Variants in TK2 observed in about 807,000 individuals in gnomAD.
TK2 encodes the protein thymidine kinase 2, mitochondrial.
In TK2, 35 loss-of-function variants were observed where a neutral mutation model predicts 41.9. The observed-to-expected ratio is 0.84, with a 90% CI of 0.64 to 1.11. The LOEUF is 1.11. Ranked by LOEUF, TK2 falls within the 50% of genes least tolerant of loss-of-function variation. The pLI is 0.00. For missense variants in TK2, 320 were observed against 351.1 expected (o/e 0.91, Z 0.71); for synonymous variants, 128 against 129.1 (o/e 0.99, Z 0.06).
At chr16:66,533,335 CAAAAA>C (rs57612451) in intron 4 of TK2, among the ~76,000 whole-genome samples, 3 of 45,114 alleles carry the variant, frequency 6.6e-5, no homozygotes, top group African/African-American at 1.4e-4. Flanking sequence ...GACTCCATCT[CAAAAA>C]AAAAAAAAAA....
rs781512555 is a variant in TK2 at position 66,550,109 on chromosome 16, C to G, written c.-48G>C. 1.2e-6 allele frequency: 2 copies of G among 1,609,504 alleles called. No homozygotes were observed. The highest frequency in any genetic ancestry group is 1.7e-6 in the Non-Finnish European group (2 of 1,178,906). On this transcript the variant is annotated 5_prime_UTR_variant, in exon 1 of 10. Coordinates refer to ENST00000544898, the MANE Select transcript of TK2 (RefSeq NM_004614.5). ...GCCCGGGGTTCCTTCTTGTGCGAGT[C>G]GGCGCGGACGACTGCTAGTCCAGCC...
intron 6 of TK2, among the ~76,000 whole-genome samples, chr16:66,528,245 T>C (rs1597090747): frequency 6.6e-6 from 1 of 151,628 alleles, no homozygotes; most frequent in Admixed American, 6.6e-5. Context: ...ACAGGTGGGG[T>C]CTGCAACCCA....
intron 5 of TK2, among the ~76,000 whole-genome samples, chr16:66,529,993 C>T (rs936260265): frequency 3.9e-5 from 6 of 152,182 alleles, no homozygotes; most frequent in Non-Finnish European, 4.4e-5. Context: ...GCATTTATAT[C>T]CCTTCCTATT....
At chr16:66,524,516 T>G (rs1247930278) in intron 6 of TK2, among the ~76,000 whole-genome samples, 1 of 152,132 alleles carries the variant, frequency 6.6e-6, no homozygotes, top group Non-Finnish European at 1.5e-5. Flanking sequence ...TTTAAATTTT[T>G]TGTAGAGATG....
chr16:66,549,515 C>T, intron 1 of TK2: 1 of 1,038,960 alleles, frequency 9.6e-7, no homozygotes, highest in African/African-American at 1.7e-5. Flanking sequence ...CTGTGTGGGT[C>T]CCCACTCCCA....
intron 6 of TK2, 166 bp from the exon 7 acceptor site, chr16:66,518,043 C>A (rs1964669141): frequency 2.9e-6 from 2 of 688,250 alleles, no homozygotes; most frequent in Non-Finnish European, 5.3e-6. Context: ...GGACCCTAAG[C>A]ATTCCCGACC....
At chr16:66,545,752 C>A (rs942352164) in intron 2 of TK2, among the ~76,000 whole-genome samples, 1 of 151,148 alleles carries the variant, frequency 6.6e-6, no homozygotes, top group Admixed American at 6.6e-5. Flanking sequence ...TGAACCCTGG[C>A]GGCGGAGGTT....
intron 2 of TK2, chr16:66,546,533 A>G (rs1403669171): frequency 6.6e-6 from 1 of 151,858 alleles, no homozygotes; most frequent in Non-Finnish European, 1.5e-5. Context: ...ATTAATGTTT[A>G]TAATATTTCT....
At chr16:66,522,845 T>C (rs1964822144) in intron 6 of TK2, among the ~76,000 whole-genome samples, 1 of 151,944 alleles carries the variant, frequency 6.6e-6, no homozygotes, top group Admixed American at 6.6e-5. Flanking sequence ...GCCTGGGCAA[T>C]AACAGCAAAA....
intron 4 of TK2, among the ~76,000 whole-genome samples, chr16:66,531,744 A>C (rs1395953645): frequency 6.6e-6 from 1 of 152,240 alleles, no homozygotes; most frequent in Non-Finnish European, 1.5e-5. Flanking sequence ...AAGGGCATCC[A>C]AATTGGAAAG....
intron 4 of TK2, among the ~76,000 whole-genome samples, chr16:66,532,842 C>T (rs1965157939): frequency 6.6e-6 from 1 of 151,302 alleles, no homozygotes; most frequent in Admixed American, 6.6e-5. Context: ...TATCAAAATA[C>T]CTATGACAGT....
intron 5 of TK2, among the ~76,000 whole-genome samples, chr16:66,530,206 G>C (rs1346325888): frequency 6.6e-6 from 1 of 152,210 alleles, no homozygotes; most frequent in Non-Finnish European, 1.5e-5. Context: ...ACTTACAGAA[G>C]AATGGTAGCT....
At chr16:66,536,841 G>T in intron 4 of TK2, 123 bp downstream of exon 4, 2 of 1,191,878 alleles carry the variant, frequency 1.7e-6, no homozygotes, top group Non-Finnish European at 2.5e-6. Context: ...TCCCTCCCTG[G>T]TCTTCTCCAA....
chr16:66,547,373 G>A (rs1321173967), intron 2 of TK2, among the ~76,000 whole-genome samples: 2 of 152,154 alleles, frequency 1.3e-5, no homozygotes, highest in East Asian at 1.9e-4. Context: ...CGTGCTGGGT[G>A]GGGGTGAGGC....
intron 6 of TK2, among the ~76,000 whole-genome samples, chr16:66,525,980 T>C (rs1964919075): frequency 6.6e-6 from 1 of 152,146 alleles, no homozygotes; most frequent in Admixed American, 6.5e-5. Context: ...AAGGCCCATG[T>C]CATCTAGACC....
At chr16:66,518,597 A>G (rs1346449579) in intron 6 of TK2, among the ~76,000 whole-genome samples, 1 of 152,266 alleles carries the variant, frequency 6.6e-6, no homozygotes, top group African/African-American at 2.4e-5. Context: ...GTTTAAACCA[A>G]TAAAAAACTA....
intron 6 of TK2, among the ~76,000 whole-genome samples, chr16:66,527,098 G>T (rs529322200): frequency 1.3e-5 from 2 of 152,338 alleles, no homozygotes; most frequent in African/African-American, 4.8e-5. Flanking sequence ...GCTGAGGACC[G>T]CAGAGGGCTG....
chr16:66,540,624 C>T (rs916224585), intron 3 of TK2, among the ~76,000 whole-genome samples: 1 of 152,204 alleles, frequency 6.6e-6, no homozygotes, highest in Admixed American at 6.5e-5. Flanking sequence ...ACAAGGAAGA[C>T]AGGTCAATGT....
Position 66,517,507 on chromosome 16 carries a change from T to C in TK2, c.538+282A>G, listed in dbSNP as rs564054647. On this transcript the variant is annotated intron_variant, in intron 7 of 9. Transcript: ENST00000544898. The surrounding 1 kb of genome is among the most constrained non-coding windows in gnomAD (Gnocchi z 4.3). Reference sequence around the variant, plus strand: ...TTCAGGCTCTGTCCTTCCTGTTCCTTTGCAAACTAGAAAAACCCATCAGAT... The same window carrying C: ...TTCAGGCTCTGTCCTTCCTGTTCCTCTGCAAACTAGAAAAACCCATCAGAT... 6.6e-6 allele frequency among the ~76,000 whole-genome samples: 1 copy of C among 152,290 alleles called. No individual in the cohort carries two copies. Among genetic ancestry groups the C allele is most frequent in the South Asian group, 2.1e-4 (1 of 4,826 alleles).
Sources: gnomAD v4.1 joint callset for allele counts (sites outside exome capture counted in the v4.1 genomes callset) on GRCh38, gnomAD v4.1.1 for gene constraint, Gnocchi (gnomAD v3.1) non-coding constraint, MANE v1.5 for transcripts, NCBI Gene and HGNC (gene_info 2026-07-23, HGNC 2026-07-21) for gene names.